Variants in KCNK2 observed in about 807,000 individuals in gnomAD.
The protein encoded by KCNK2 is potassium channel subfamily K member 2.
KCNK2 carries 21 observed loss-of-function variants against 40.5 expected under a neutral mutation model. The ratio of observed to expected loss-of-function variants is 0.52; its 90% confidence interval spans 0.37 to 0.75. The LOEUF is 0.75. Ranked by LOEUF, KCNK2 falls within the 30% of genes least tolerant of loss-of-function variation. KCNK2 has a pLI of 0.00. For missense variants in KCNK2, 399 were observed against 531.6 expected (o/e 0.75, Z 2.45); for synonymous variants, 191 against 202.2 (o/e 0.94, Z 0.47).
intron 1 of KCNK2, among the ~76,000 whole-genome samples, chr1:215,023,312 G>C (rs371128628): frequency 2.0e-5 from 3 of 152,040 alleles, no homozygotes; most frequent in African/African-American, 7.3e-5. Flanking sequence ...TACTACAAAG[G>C]CATCTTCCTG....
chr1:215,230,195 T>C (rs1666575247), intron 6 of KCNK2, among the ~76,000 whole-genome samples: 1 of 148,940 alleles, frequency 6.7e-6, no homozygotes, highest in Non-Finnish European at 1.5e-5. Flanking sequence ...AATTTCACCA[T>C]TGTGCCAACA....
intron 1 of KCNK2, among the ~76,000 whole-genome samples, chr1:215,076,721 G>A (rs1027820176): frequency 1.3e-5 from 2 of 152,146 alleles, no homozygotes; most frequent in African/African-American, 2.4e-5. Context: ...AGCCACACTC[G>A]AGGGGAGGGG....
intron 1 of KCNK2, among the ~76,000 whole-genome samples, chr1:215,074,354 G>T (rs1354203387): frequency 6.6e-6 from 1 of 152,144 alleles, no homozygotes; most frequent in Non-Finnish European, 1.5e-5. Context: ...AACATCTTTG[G>T]TTAATGAACA....
chr1:215,032,353 A>G (rs1657231730), intron 1 of KCNK2, among the ~76,000 whole-genome samples: 1 of 152,140 alleles, frequency 6.6e-6, no homozygotes, highest in Admixed American at 6.5e-5. Context: ...GGCTGCAGTG[A>G]GCTGTGATCA....
chr1:215,108,197 T>A (rs1005233908), intron 2 of KCNK2, among the ~76,000 whole-genome samples: 1 of 152,128 alleles, frequency 6.6e-6, no homozygotes, highest in African/African-American at 2.4e-5. Flanking sequence ...GCCGCTCACC[T>A]CCTACTGTGC....
chr1:215,017,784 T>C (rs2601618), intron 1 of KCNK2, among the ~76,000 whole-genome samples: 85,138 of 151,992 alleles, frequency 0.56, 25,533 homozygotes, highest in South Asian at 0.78. Context: ...CCTGAATAGC[T>C]TTTCCACAAT....
upstream of KCNK2, among the ~76,000 whole-genome samples, chr1:215,078,569 A>G (rs918569546): frequency 6.6e-6 from 1 of 152,124 alleles, no homozygotes; most frequent in Non-Finnish European, 1.5e-5. Flanking sequence ...ACTCACTATC[A>G]TGAGAACAGC....
At position 215,121,519 on chromosome 1, in the gene KCNK2, CCTGCCTCAGT is replaced by C. The variant is rs1661189340; in HGVS notation, c.358-3111_358-3102del. On this transcript the variant is annotated intron_variant, in intron 2 of 6. Transcript: ENST00000444842. ...CCAACTCCAGAGCTCAAGTAATTCA[CCTGCCTCAGT>C]CTCCCAAAGTGCTGGGATTAAAGGC... Among the ~76,000 whole-genome samples, 5 of 152,306 alleles carry C rather than the reference CCTGCCTCAGT, an allele frequency of 3.3e-5. No individual in the cohort carries two copies. In the South Asian group the frequency reaches 8.3e-4, roughly 25 times the overall value.
intron 6 of KCNK2, among the ~76,000 whole-genome samples, chr1:215,233,186 G>C (rs1438167602): frequency 6.6e-6 from 1 of 152,066 alleles, no homozygotes. Context: ...CAGTGGTTAA[G>C]GAAAGCTTGA....
At chr1:215,204,238 A>G (rs908525507) in intron 6 of KCNK2, among the ~76,000 whole-genome samples, 14 of 151,760 alleles carry the variant, frequency 9.2e-5, no homozygotes, top group African/African-American at 3.4e-4. Context: ...TTCTTAAAAA[A>G]ATAAAAATGT....
At chr1:215,053,395 C>A (rs1305946510) in intron 1 of KCNK2, among the ~76,000 whole-genome samples, 3 of 152,022 alleles carry the variant, frequency 2.0e-5, no homozygotes, top group South Asian at 2.1e-4. Context: ...GGGCTAGGAC[C>A]CGGGTTTAGC....
chr1:215,214,389 C>T (rs1234180387), intron 6 of KCNK2, among the ~76,000 whole-genome samples: 2 of 152,146 alleles, frequency 1.3e-5, no homozygotes, highest in Non-Finnish European at 2.9e-5. Flanking sequence ...TCAGCTCCCA[C>T]CAGGTCCCAC....
At chr1:215,149,335 G>A (rs564330280) in intron 3 of KCNK2, among the ~76,000 whole-genome samples, 2 of 152,274 alleles carry the variant, frequency 1.3e-5, no homozygotes, top group East Asian at 3.9e-4. Context: ...TAATCAAATG[G>A]TGGTGATAGA....
rs555340493 is a variant in KCNK2 at position 215,162,886 on chromosome 1, T to TA, written c.476-6312dup. Among the ~76,000 whole-genome samples, 286 of 151,682 alleles carry TA rather than the reference T, an allele frequency of 1.9e-3. 2 individuals are homozygous for TA. The highest frequency in any genetic ancestry group is 6.6e-3 in the African/African-American group (274 of 41,450). On this transcript the variant is annotated intron_variant, in intron 3 of 6. Coordinates refer to ENST00000444842, the MANE Select transcript of KCNK2 (RefSeq NM_001017425.3). ...TACTGCCAGGTTTGTTTTTTTTTTT[T>TA]ATTAGGATCGTCTTGGCTATATGGG...
intron 5 of KCNK2, among the ~76,000 whole-genome samples, chr1:215,179,272 T>C (rs951481728): frequency 2.6e-5 from 4 of 152,126 alleles, no homozygotes; most frequent in African/African-American, 9.6e-5. Context: ...TAGCTGTCTA[T>C]TGATCTTGCT....
intron 2 of KCNK2, among the ~76,000 whole-genome samples, chr1:215,114,455 A>C (rs1003293126): frequency 6.6e-5 from 10 of 152,150 alleles, no homozygotes; most frequent in African/African-American, 2.4e-4. Flanking sequence ...GTTGGCTCAA[A>C]AAAGGGCAAG....
intron 2 of KCNK2, among the ~76,000 whole-genome samples, chr1:215,112,224 G>A (rs899587485): frequency 2.6e-5 from 4 of 152,044 alleles, no homozygotes; most frequent in South Asian, 2.1e-4. Context: ...CCTCCCCTGG[G>A]AGAAACCCAG....
chr1:215,142,776 T>C (rs1662239931), intron 3 of KCNK2, among the ~76,000 whole-genome samples: 1 of 152,144 alleles, frequency 6.6e-6, no homozygotes, highest in Non-Finnish European at 1.5e-5. Context: ...CTCTGAATTG[T>C]TATGGAAATG....
intron 3 of KCNK2, among the ~76,000 whole-genome samples, chr1:215,135,810 C>T (rs1014935905): frequency 1.3e-5 from 2 of 152,182 alleles, no homozygotes; most frequent in Non-Finnish European, 1.5e-5. Context: ...TCTCGGCTCA[C>T]TGCAACCTCC....
Sources: allele counts gnomAD v4.1 joint callset (sites outside exome capture counted in the v4.1 genomes callset), GRCh38; gene constraint gnomAD v4.1.1; transcripts MANE v1.5; gene names NCBI Gene and HGNC (gene_info 2026-07-23, HGNC 2026-07-21).